The following COL25A1 variants were observed in gnomAD, a reference collection of about 807,000 sequenced individuals.
COL25A1 encodes the protein collagen alpha-1(XXV) chain.
Under a neutral mutation model 128.4 loss-of-function variants are expected in COL25A1, and 103 were observed. That is an observed-to-expected ratio of 0.80 (90% CI 0.68 to 0.94). The LOEUF is 0.94. COL25A1 is among the 40% of genes least tolerant of loss of function. The probability of loss-of-function intolerance (pLI) is 0.00; values close to 1 mark genes in which losing one functional copy is unlikely to be tolerated. For synonymous variants in COL25A1, 279 were observed against 277.2 expected, an observed-to-expected ratio of 1.01 and a Z score of -0.06; for missense variants, 745 against 840.0, an observed-to-expected ratio of 0.89 and a Z score of 1.40.
At chr4:109,246,681 A>G (rs1481656421) in intron 3 of COL25A1, among the ~76,000 whole-genome samples, 3 of 152,076 alleles carry the variant, frequency 2.0e-5, no homozygotes, top group African/African-American at 4.8e-5. Context: ...CTCTACTATG[A>G]TCATTTTTTT....
chr4:109,047,143 G>C (rs1400577244), intron 5 of COL25A1, among the ~76,000 whole-genome samples: 1 of 152,150 alleles, frequency 6.6e-6, no homozygotes, highest in South Asian at 2.1e-4. Context: ...GGGAGGACTG[G>C]TCCAAGCTCA....
rs75770015 is a variant in COL25A1, at chr4:109,285,555, T to C, written c.367+15028A>G. 5.0e-3 allele frequency among the ~76,000 whole-genome samples: 761 copies of C among 152,302 alleles called. 6 individuals carry two copies. The highest frequency in any genetic ancestry group is 0.018 in the African/African-American group (730 of 41,562). On this transcript the variant is annotated intron_variant, in intron 3 of 37. Transcript: ENST00000399132. ...TTGGAGACAACATTATGACGAATAA[T>C]GCAATTCACACAATCTAAAAAAGGG...
At chr4:109,285,761 AC>A (rs1221720133) in intron 3 of COL25A1, among the ~76,000 whole-genome samples, 1 of 152,224 alleles carries the variant, frequency 6.6e-6, no homozygotes, top group Non-Finnish European at 1.5e-5. Flanking sequence ...TCACTTCCTA[AC>A]ATTACTGTGT....
At chr4:109,266,196 C>T (rs1781782945) in intron 3 of COL25A1, among the ~76,000 whole-genome samples, 2 of 152,102 alleles carry the variant, frequency 1.3e-5, no homozygotes, top group Admixed American at 1.3e-4. Flanking sequence ...ATCGGGATAA[C>T]AGGTTGTTGT....
In COL25A1 at chr4:109,059,922, A is replaced by AAAAAC. The variant is rs1486481117; in HGVS notation, c.368-9748_368-9744dup. ...CACTTCTGTAGTATTTCTGCCAGTT[A>AAAAAC]AAAACAAAACAAAACAAAACAAATG... On this transcript the variant is annotated intron_variant, in intron 3 of 37. Transcript: ENST00000399132. 8.5e-5 allele frequency among the ~76,000 whole-genome samples: 13 copies of AAAAAC among 152,296 alleles called. No homozygotes were observed. The East Asian group carries it at 1.5e-3, about 18-fold the overall frequency.
intron 13 of COL25A1, among the ~76,000 whole-genome samples, chr4:108,913,318 G>A (rs1301713318): frequency 8.1e-6 from 1 of 122,978 alleles, no homozygotes; most frequent in South Asian, 3.4e-4. Context: ...CCAGGCTGGA[G>A]TGAAATGGCA....
chr4:109,214,879 C>T (rs1777866001), intron 3 of COL25A1, among the ~76,000 whole-genome samples: 1 of 152,124 alleles, frequency 6.6e-6, no homozygotes, highest in African/African-American at 2.4e-5. Flanking sequence ...CGAGACAGAG[C>T]TTGACAGGTT....
intron 26 of COL25A1, 23 bp from the exon 27 acceptor site, chr4:108,848,826 C>T: frequency 6.3e-7 from 1 of 1,595,346 alleles, no homozygotes; most frequent in Middle Eastern, 1.7e-4. Context: ...AAATAGATGA[C>T]TTGCCTCCAT....
chr4:108,845,485 G>A (rs1208465350), intron 28 of COL25A1, among the ~76,000 whole-genome samples: 1 of 152,160 alleles, frequency 6.6e-6, no homozygotes, highest in African/African-American at 2.4e-5. Context: ...AAACTAGTTT[G>A]AGCTTGATTG....
intron 3 of COL25A1, among the ~76,000 whole-genome samples, chr4:109,260,688 G>C (rs544891914): frequency 6.6e-6 from 1 of 152,188 alleles, no homozygotes; most frequent in East Asian, 1.9e-4. Flanking sequence ...TAGAGACGGG[G>C]TTTCACCATG....
intron 20 of COL25A1, among the ~76,000 whole-genome samples, chr4:108,865,276 A>C (rs976188096): frequency 6.6e-6 from 1 of 152,152 alleles, no homozygotes; most frequent in Non-Finnish European, 1.5e-5. Flanking sequence ...ATAGAATTAG[A>C]TCTATGGTGG....
chr4:109,294,190 T>C (rs2126287656), intron 3 of COL25A1, among the ~76,000 whole-genome samples: 1 of 152,190 alleles, frequency 6.6e-6, no homozygotes, highest in East Asian at 1.9e-4. Flanking sequence ...AGAGAGGAAG[T>C]ACGCTATTCA....
chr4:109,250,277 T>A (rs1474396438), intron 3 of COL25A1, among the ~76,000 whole-genome samples: 1 of 146,440 alleles, frequency 6.8e-6, no homozygotes, highest in Admixed American at 6.9e-5. Context: ...CCAAACAACA[T>A]AAAGGCTTTA....
chr4:108,862,556 A>G lies in COL25A1; in HGVS notation c.1153-11T>C. On this transcript the variant is annotated splice_polypyrimidine_tract_variant and intron_variant, in intron 21 of 37. Transcript: ENST00000399132. ...TTCACCTTGTTTCCCCTATTACAGCAGAATAAGAGGATGAAAAAGATAAAA... is the reference window on the plus strand; with the variant it reads ...TTCACCTTGTTTCCCCTATTACAGCGGAATAAGAGGATGAAAAAGATAAAA... 6.2e-7 allele frequency: 1 copy of G among 1,608,100 alleles called. No homozygotes were observed. The highest frequency in any genetic ancestry group is 8.5e-7 in the Non-Finnish European group (1 of 1,174,912).
Position 108,810,657 on chromosome 4 carries a change from GAC to G in COL25A1, c.*3268_*3269del, listed in dbSNP as rs530131095. On this transcript the variant is annotated 3_prime_UTR_variant, in exon 38 of 38. Transcript: ENST00000399132. ...AAAGACGAGTGAATGAAAAAGATGA[GAC>G]ACATGAAAGTAGATAAAGGCATATG... 43 of 152,026 alleles carry G rather than the reference GAC, an allele frequency of 2.8e-4. No homozygotes were observed. Among genetic ancestry groups the G allele is most frequent in the African/African-American group, 1.0e-3 (42 of 41,540 alleles). The allele number at this position is 152,026 out of a possible 1,614,324, so 9.4% of individuals were successfully genotyped here.
chr4:109,115,391 TAA>T (rs2126044990), intron 3 of COL25A1, among the ~76,000 whole-genome samples: 1 of 152,146 alleles, frequency 6.6e-6, no homozygotes, highest in South Asian at 2.1e-4. Flanking sequence ...TGGGAGCAGG[TAA>T]AGAGTCAAAA....
intron 3 of COL25A1, among the ~76,000 whole-genome samples, chr4:109,089,668 T>C (rs1764725242): frequency 6.6e-6 from 1 of 152,160 alleles, no homozygotes; most frequent in Admixed American, 6.5e-5. Context: ...TACAATGGCA[T>C]GATCTCGGCT....
chr4:109,255,322 G>A (rs1307754154), intron 3 of COL25A1, among the ~76,000 whole-genome samples: 1 of 151,960 alleles, frequency 6.6e-6, no homozygotes, highest in Admixed American at 6.6e-5. Context: ...TAAAACTTAA[G>A]TCACAAAACC....
At chr4:109,005,152 C>A (rs115015012) in intron 6 of COL25A1, among the ~76,000 whole-genome samples, 2,553 of 152,254 alleles carry the variant, frequency 0.017, 54 homozygotes, top group East Asian at 0.065. Context: ...CAGGAAGCTT[C>A]CTTGCCAATC....
Sources: gnomAD v4.1 joint callset for allele counts (sites outside exome capture counted in the v4.1 genomes callset) on GRCh38, gnomAD v4.1.1 for gene constraint, MANE v1.5 for transcripts, NCBI Gene and HGNC (gene_info 2026-07-23, HGNC 2026-07-21) for gene names.